Variants in TLK2 observed in about 807,000 individuals in gnomAD.
TLK2 encodes serine/threonine-protein kinase tousled-like 2.
A neutral mutation model predicts 117.3 loss-of-function variants in TLK2; 6 were observed. That is an observed-to-expected ratio of 0.05 (90% CI 0.03 to 0.10). The LOEUF is 0.10. TLK2 is among the 10% of genes least tolerant of loss of function. TLK2 has a pLI of 1.00. For missense variants in TLK2, 299 were observed against 901.2 expected, an observed-to-expected ratio of 0.33 and a Z score of 8.56; for synonymous variants, 257 against 316.7, an observed-to-expected ratio of 0.81 and a Z score of 2.00.
At chr17:62,549,419 A>AGT (rs1555630561) in intron 7 of TLK2, among the ~76,000 whole-genome samples, 164 of 7,758 alleles carry the variant, frequency 0.021, 10 homozygotes, top group East Asian at 0.17. Flanking sequence ...AAAAAAAAAA[A>AGT]AAAAAAAAAA....
At position 62,597,542 on chromosome 17, in the gene TLK2, T is replaced by C. The variant is rs76592657; in HGVS notation, c.1550+868T>C. Reference sequence around the variant, plus strand: ...TTTCTGCTCACCCCAGAGACTCTTATGAACATTGACAGACCTTTTTAAAAA... The same window carrying C: ...TTTCTGCTCACCCCAGAGACTCTTACGAACATTGACAGACCTTTTTAAAAA... On this transcript the variant is annotated intron_variant, in intron 17 of 21. Coordinates refer to ENST00000346027, the MANE Select transcript of TLK2 (RefSeq NM_006852.6). 4.5e-3 allele frequency among the ~76,000 whole-genome samples: 685 copies of C among 152,334 alleles called. 3 individuals carry two copies. Among genetic ancestry groups the C allele is most frequent in the Non-Finnish European group, 8.0e-3 (545 of 68,026 alleles).
At chr17:62,553,897 A>G in intron 9 of TLK2, 142 bp downstream of exon 9, 1 of 589,150 alleles carries the variant, frequency 1.7e-6, no homozygotes, top group Non-Finnish European at 3.0e-6. Flanking sequence ...TAATTGAGGG[A>G]ATCTGAGTAG....
Position 62,478,901 on chromosome 17 carries a change from C to G in TLK2, c.-395C>G, listed in dbSNP as rs1485270089. ...TGGGCACCAGCGGTTCCGACCCCCC[C>G]GCCCTCCGCGCCGCACCCGAGTGGC... On this transcript the variant is annotated 5_prime_UTR_variant, in exon 1 of 22. Transcript: ENST00000346027. 6.6e-6 allele frequency: 1 copy of G among 152,280 alleles called. No individual in the cohort carries two copies. Among genetic ancestry groups the G allele is most frequent in the Admixed American group, 6.6e-5 (1 of 15,236 alleles). 9.4% of individuals were successfully genotyped at this position (152,280 alleles called of 1,614,324 possible).
intron 2 of TLK2, among the ~76,000 whole-genome samples, chr17:62,498,204 G>A (rs370011236): frequency 2.0e-4 from 30 of 152,134 alleles, no homozygotes; most frequent in East Asian, 1.5e-3. Flanking sequence ...TTCATTCACC[G>A]TAACAGATTC....
intron 2 of TLK2, among the ~76,000 whole-genome samples, chr17:62,486,072 G>A (rs1406665715): frequency 1.3e-5 from 2 of 151,854 alleles, no homozygotes; most frequent in African/African-American, 4.8e-5. Context: ...TGCCCACCTT[G>A]GCCTCCCAAA....
chr17:62,507,770 A>T (rs2074822509), intron 2 of TLK2, among the ~76,000 whole-genome samples: 1 of 152,152 alleles, frequency 6.6e-6, no homozygotes, highest in South Asian at 2.1e-4. Flanking sequence ...AAGGGCTGGT[A>T]GTCAACATTT....
chr17:62,570,878 AT>A (rs2080233487), intron 11 of TLK2, among the ~76,000 whole-genome samples: 1 of 152,146 alleles, frequency 6.6e-6, no homozygotes, highest in African/African-American at 2.4e-5. Flanking sequence ...TAAAATCTCA[AT>A]TTTGCAAAAC....
At chr17:62,560,948 G>C (rs1200542515) in intron 10 of TLK2, among the ~76,000 whole-genome samples, 3 of 152,068 alleles carry the variant, frequency 2.0e-5, no homozygotes, top group African/African-American at 7.2e-5. Flanking sequence ...TTTAACGTTA[G>C]GTGTATCTCC....
intron 2 of TLK2, among the ~76,000 whole-genome samples, chr17:62,493,420 A>G (rs1188872844): frequency 6.6e-6 from 1 of 152,172 alleles, no homozygotes; most frequent in Non-Finnish European, 1.5e-5. Flanking sequence ...GCTATTGTGA[A>G]TAGTGCTATG....
intron 9 of TLK2, 109 bp downstream of exon 9, chr17:62,553,864 A>G (rs1203153834): frequency 2.8e-6 from 2 of 720,790 alleles, no homozygotes; most frequent in Non-Finnish European, 2.3e-6. Context: ...CAATGAAATA[A>G]TAAACATTTG....
intron 6 of TLK2, among the ~76,000 whole-genome samples, chr17:62,526,604 C>CT (rs2076380016): frequency 6.6e-6 from 1 of 152,250 alleles, no homozygotes; most frequent in South Asian, 2.1e-4. Context: ...ACTTGTACTG[C>CT]TTGAGCATGT....
At chr17:62,541,022 C>T (rs1820232041) in intron 7 of TLK2, among the ~76,000 whole-genome samples, 1 of 152,144 alleles carries the variant, frequency 6.6e-6, no homozygotes, top group Non-Finnish European at 1.5e-5. Context: ...CACCTCGGGG[C>T]CTTTGCGTTG....
At chr17:62,501,765 G>A (rs1385625702) in intron 2 of TLK2, among the ~76,000 whole-genome samples, 1 of 152,084 alleles carries the variant, frequency 6.6e-6, no homozygotes, top group Non-Finnish European at 1.5e-5. Context: ...TTTGAGACCA[G>A]CCTGGGCAAT....
intron 11 of TLK2, among the ~76,000 whole-genome samples, chr17:62,569,250 T>G (rs934256520): frequency 6.7e-6 from 1 of 149,254 alleles, no homozygotes; most frequent in African/African-American, 2.5e-5. Flanking sequence ...TGCAGTGAGC[T>G]GAGATCACGC....
chr17:62,479,725 G>A (rs1456744661), intron 1 of TLK2, among the ~76,000 whole-genome samples: 1 of 152,222 alleles, frequency 6.6e-6, no homozygotes, highest in East Asian at 1.9e-4. Context: ...CCAAGGCCCC[G>A]CTGGAATTAG....
At chr17:62,566,668 A>G (rs2079822509) in intron 11 of TLK2, among the ~76,000 whole-genome samples, 1 of 152,210 alleles carries the variant, frequency 6.6e-6, no homozygotes, top group Non-Finnish European at 1.5e-5. Flanking sequence ...TGGAGGTATG[A>G]TACCTGTTTA....
At chr17:62,601,856 A>G (rs541968504) in intron 18 of TLK2, among the ~76,000 whole-genome samples, 186 bp from the exon 19 acceptor site, 6 of 152,296 alleles carry the variant, frequency 3.9e-5, no homozygotes, top group African/African-American at 1.4e-4. Flanking sequence ...TGGAAAATAG[A>G]AGTTTCAGCA....
At chr17:62,531,063 TGATGTG>T (rs1160573025) in intron 6 of TLK2, among the ~76,000 whole-genome samples, 1 of 152,194 alleles carries the variant, frequency 6.6e-6, no homozygotes, top group African/African-American at 2.4e-5. Flanking sequence ...AGTTTTATGA[TGATGTG>T]TCATTTCATT....
At chr17:62,473,361 T>C (rs1216585593) in intron 1 of TLK2, among the ~76,000 whole-genome samples, 1 of 152,164 alleles carries the variant, frequency 6.6e-6, no homozygotes, top group African/African-American at 2.4e-5. Context: ...TGTCAGGCAC[T>C]AGGCTAGGGA....
Sources: gnomAD v4.1 joint callset for allele counts (sites outside exome capture counted in the v4.1 genomes callset) on GRCh38, gnomAD v4.1.1 for gene constraint, MANE v1.5 for transcripts, NCBI Gene and HGNC (gene_info 2026-07-23, HGNC 2026-07-21) for gene names.